MAGI1: variants seen among roughly 807,000 people sequenced by gnomAD.
MAGI1 encodes membrane associated guanylate kinase, WW and PDZ domain containing 1.
In MAGI1, 58 loss-of-function variants were observed where a neutral mutation model predicts 139.9. The ratio of observed to expected loss-of-function variants is 0.41; its 90% CI spans 0.34 to 0.52. The LOEUF is 0.52. MAGI1 is among the 20% of genes least tolerant of loss of function. MAGI1 has a pLI of 0.12. For missense variants in MAGI1, 1,874 were observed against 1,901.6 expected, an observed-to-expected ratio of 0.99 and a Z score of 0.27; for synonymous variants, 812 against 737.9, an observed-to-expected ratio of 1.10 and a Z score of -1.63.
At chr3:65,704,399 A>G (rs1244636535) in intron 1 of MAGI1, among the ~76,000 whole-genome samples, 1 of 152,146 alleles carries the variant, frequency 6.6e-6, no homozygotes, top group Admixed American at 6.6e-5. Context: ...TACCCTTTCC[A>G]GTGGGAAGCT....
chr3:65,900,093 A>C (rs183398371), intron 1 of MAGI1, among the ~76,000 whole-genome samples: 7 of 145,394 alleles, frequency 4.8e-5, no homozygotes, highest in East Asian at 2.0e-4. Flanking sequence ...ACCTGGACCC[A>C]AAAAAAAAAA....
chr3:65,404,955 A>T (rs1945213300), intron 12 of MAGI1, among the ~76,000 whole-genome samples: 1 of 152,208 alleles, frequency 6.6e-6, no homozygotes, highest in Non-Finnish European at 1.5e-5. Flanking sequence ...CATATCACAT[A>T]TAAGGCATAC....
At position 65,354,405 on chromosome 3, in the gene MAGI1, A is replaced by C. The variant is rs1168047069; in HGVS notation, c.*1973T>G. On this transcript the variant is annotated 3_prime_UTR_variant, in exon 23 of 23. Coordinates refer to ENST00000402939, the MANE Select transcript of MAGI1 (RefSeq NM_001033057.2). ...ATTCTAATGTTATGTATAAACCCAT[A>C]AGTCAAATAAAGCTATGAACAATGT... 2.0e-5 allele frequency: 3 copies of C among 152,660 alleles called. No individual in the cohort carries two copies. The highest frequency in any genetic ancestry group is 2.0e-4 in the Admixed American group (3 of 15,286). 9.5% of individuals were successfully genotyped at this position (152,660 alleles called of 1,614,324 possible).
chr3:65,767,919 A>T (rs79881079), intron 1 of MAGI1, among the ~76,000 whole-genome samples: 1,677 of 152,328 alleles, frequency 0.011, 34 homozygotes, highest in African/African-American at 0.038. Flanking sequence ...TCCTGGCTTA[A>T]GCTATCATAT....
chr3:65,810,789 G>A (rs1359132304), intron 1 of MAGI1, among the ~76,000 whole-genome samples: 3 of 152,126 alleles, frequency 2.0e-5, no homozygotes, highest in East Asian at 1.9e-4. Context: ...AACCTATTTA[G>A]GTCCCTTCAT....
At chr3:65,639,619 G>C (rs1434661421) in intron 1 of MAGI1, among the ~76,000 whole-genome samples, 1 of 152,144 alleles carries the variant, frequency 6.6e-6, no homozygotes, top group Admixed American at 6.5e-5. Flanking sequence ...GACTGAGTAA[G>C]CCAGATTGCC....
intron 13 of MAGI1, among the ~76,000 whole-genome samples, chr3:65,391,875 A>C (rs1172076641): frequency 6.6e-6 from 1 of 152,212 alleles, no homozygotes; most frequent in Non-Finnish European, 1.5e-5. Context: ...ATTAAAAAAA[A>C]GGAGGTCAGA....
chr3:65,803,877 G>T (rs2040673818), intron 1 of MAGI1, among the ~76,000 whole-genome samples: 1 of 152,124 alleles, frequency 6.6e-6, no homozygotes, highest in Non-Finnish European at 1.5e-5. Flanking sequence ...TTTCTTAAAT[G>T]AATTTTGCAT....
At chr3:65,749,571 T>C (rs546721678) in intron 1 of MAGI1, among the ~76,000 whole-genome samples, 54 of 152,164 alleles carry the variant, frequency 3.5e-4, no homozygotes, top group African/African-American at 1.3e-3. Flanking sequence ...CTGGGTCCAG[T>C]GTATACTGCT....
chr3:65,439,873 G>A lies in MAGI1; in HGVS notation c.1270+6C>T. The A allele has an allele frequency of 5.0e-6, 8 of 1,610,058 alleles. No individual in the cohort carries two copies. The highest frequency in any genetic ancestry group is 6.8e-6 in the Non-Finnish European group (8 of 1,179,846). On this transcript the variant is annotated splice_donor_region_variant and intron_variant, in intron 9 of 22. Coordinates refer to ENST00000402939, the MANE Select transcript of MAGI1 (RefSeq NM_001033057.2). ...TCAAGAAAAAGCCTAGAGGAAAGAG[G>A]CCAACCTTCTGTCTGCTGCTGCTGC...
intron 1 of MAGI1, among the ~76,000 whole-genome samples, chr3:65,845,551 C>T (rs185938033): frequency 1.3e-5 from 2 of 152,348 alleles, no homozygotes; most frequent in East Asian, 3.9e-4. Context: ...CATTTTTCAT[C>T]ATCCAATGCA....
At chr3:65,989,688 C>G (rs1240267397) in intron 1 of MAGI1, among the ~76,000 whole-genome samples, 1 of 152,162 alleles carries the variant, frequency 6.6e-6, no homozygotes, top group African/African-American at 2.4e-5. Context: ...CAGGCACCAG[C>G]CACCACACCC....
intron 1 of MAGI1, among the ~76,000 whole-genome samples, chr3:65,766,804 G>T (rs769584999): frequency 2.6e-5 from 4 of 151,988 alleles, no homozygotes; most frequent in Non-Finnish European, 4.4e-5. Context: ...CAGGAGAATC[G>T]CTTAAACCTG....
At chr3:65,732,871 T>A (rs540270508) in intron 1 of MAGI1, among the ~76,000 whole-genome samples, 1 of 152,188 alleles carries the variant, frequency 6.6e-6, no homozygotes, top group Non-Finnish European at 1.5e-5. Flanking sequence ...CTTGAATTCA[T>A]TGATGAGAAA....
intron 1 of MAGI1, 95 bp from the exon 2 acceptor site, chr3:65,622,183 C>T (rs1240404891): frequency 2.2e-5 from 19 of 859,210 alleles, no homozygotes; most frequent in Non-Finnish European, 3.6e-5. Context: ...CCACAGGATG[C>T]AGTTCTAGCC....
At chr3:65,382,590 A>G (rs1407702351) in intron 15 of MAGI1, among the ~76,000 whole-genome samples, 1 of 152,274 alleles carries the variant, frequency 6.6e-6, no homozygotes, top group African/African-American at 2.4e-5. Flanking sequence ...TCTTGCTGTT[A>G]TATTTGCCAT....
chr3:65,708,587 G>A (rs1448331153), intron 1 of MAGI1, among the ~76,000 whole-genome samples: 2 of 152,038 alleles, frequency 1.3e-5, no homozygotes, highest in East Asian at 1.9e-4. Context: ...TGGGCAAATC[G>A]GTCATTGGTG....
intron 1 of MAGI1, among the ~76,000 whole-genome samples, chr3:66,012,605 A>C (rs2067381201): frequency 6.6e-6 from 1 of 152,040 alleles, no homozygotes; most frequent in Non-Finnish European, 1.5e-5. Flanking sequence ...ATCTCTACTA[A>C]AAATACAAAA....
chr3:65,764,130 G>T (rs938921226), intron 1 of MAGI1, among the ~76,000 whole-genome samples: 5 of 151,404 alleles, frequency 3.3e-5, no homozygotes, highest in Non-Finnish European at 7.4e-5. Flanking sequence ...TATAGTTTGG[G>T]TATTAACATG....
Sources: gnomAD v4.1 joint callset for allele counts (sites outside exome capture counted in the v4.1 genomes callset) on GRCh38, gnomAD v4.1.1 for gene constraint, MANE v1.5 for transcripts, NCBI Gene and HGNC (gene_info 2026-07-23, HGNC 2026-07-21) for gene names.